Variants in ITPR2 observed in about 807,000 individuals in gnomAD.
The protein encoded by ITPR2 is inositol 1,4,5-trisphosphate-gated calcium channel ITPR2.
A neutral mutation model predicts 317.1 loss-of-function variants in ITPR2; 207 were observed. That is an observed-to-expected ratio of 0.65 (90% CI 0.58 to 0.73). The LOEUF is 0.73. Ranked by LOEUF, ITPR2 falls within the 30% of genes least tolerant of loss-of-function variation. The pLI, the probability that ITPR2 is intolerant of heterozygous loss-of-function variation, is 0.00. For synonymous variants in ITPR2, 1,156 were observed against 1,149.1 expected (o/e 1.01, Z -0.12); for missense variants, 2,613 against 3,284.0 (o/e 0.80, Z 4.99).
At chr12:26,495,629 A>G (rs1468720816) in intron 37 of ITPR2, 1 of 156,040 alleles carries the variant, frequency 6.4e-6, no homozygotes, top group Admixed American at 6.5e-5. Context: ...TTTTAAATAT[A>G]ACTTTATTCT....
rs528041997 is a variant in ITPR2 at position 26,346,150 on chromosome 12, A to G, written c.7858-5822T>C. ...AAAGATTCTAAAATGCAAAACTCCA[A>G]GATGAACCATCATGTCCCTGAGAAG... On this transcript the variant is annotated intron_variant, in intron 55 of 56. Transcript: ENST00000381340. 3.2e-4 allele frequency among the ~76,000 whole-genome samples: 48 copies of G among 152,358 alleles called. No individual in the cohort carries two copies. The South Asian group carries it at 5.6e-3, about 18-fold the overall frequency.
At chr12:26,621,090 T>C (rs551234355) in intron 26 of ITPR2, 33 bp downstream of exon 26, 2 of 1,570,684 alleles carry the variant, frequency 1.3e-6, no homozygotes, top group African/African-American at 1.4e-5. Context: ...AAGACATCAT[T>C]GGGAGTATTT....
At position 26,393,722 on chromosome 12, in the gene ITPR2, C is replaced by G. The variant is rs77365594; in HGVS notation, c.7696+5154G>C. On this transcript the variant is annotated intron_variant, in intron 54 of 56. Coordinates refer to ENST00000381340, the MANE Select transcript of ITPR2 (RefSeq NM_002223.4). Reference sequence around the variant, plus strand: ...GAATAAACATGAAGCTTCTAGAAAACAGACAATATTGATCTTACATCTCTT... The same window carrying G: ...GAATAAACATGAAGCTTCTAGAAAAGAGACAATATTGATCTTACATCTCTT... Among the ~76,000 whole-genome samples the G allele has an allele frequency of 2.5e-3, 379 of 152,264 alleles. 3 individuals carry two copies. Among genetic ancestry groups the G allele is most frequent in the African/African-American group, 8.8e-3 (365 of 41,552 alleles).
intron 45 of ITPR2, among the ~76,000 whole-genome samples, chr12:26,460,219 C>T (rs1941983423): frequency 6.6e-6 from 1 of 152,202 alleles, no homozygotes; most frequent in Non-Finnish European, 1.5e-5. Context: ...GGTCCTCTGT[C>T]TTATGGCACC....
chr12:26,555,838 T>A (rs530840186), intron 36 of ITPR2, among the ~76,000 whole-genome samples: 1 of 152,220 alleles, frequency 6.6e-6, no homozygotes, highest in Non-Finnish European at 1.5e-5. Flanking sequence ...TAAACACATA[T>A]GACAATAGTA....
intron 32 of ITPR2, 37 bp downstream of exon 32, chr12:26,595,428 T>C (rs760848520): frequency 3.2e-6 from 5 of 1,580,842 alleles, no homozygotes; most frequent in East Asian, 2.3e-5. Flanking sequence ...AGTCGAAATA[T>C]CTATTGACAC....
chr12:26,495,869 T>C (rs1033262203), intron 37 of ITPR2, among the ~76,000 whole-genome samples: 9 of 152,104 alleles, frequency 5.9e-5, no homozygotes, highest in African/African-American at 2.2e-4. Context: ...CTCAAAAAAT[T>C]AACCTTGATA....
chr12:26,384,627 T>A (rs993169418), intron 55 of ITPR2, among the ~76,000 whole-genome samples: 8 of 152,194 alleles, frequency 5.3e-5, no homozygotes, highest in African/African-American at 1.9e-4. Context: ...AGGCCAGAGA[T>A]GGGTCAACAT....
At position 26,507,827 on chromosome 12, in the gene ITPR2, G is replaced by A. The variant is rs148007328; in HGVS notation, c.5074-12567C>T. Among the ~76,000 whole-genome samples, 76 of 148,976 alleles carry A rather than the reference G, an allele frequency of 5.1e-4. 1 individual carries two copies. In the East Asian group the frequency reaches 0.011, roughly 21 times the overall value. On this transcript the variant is annotated intron_variant, in intron 37 of 56. Coordinates refer to ENST00000381340, the MANE Select transcript of ITPR2 (RefSeq NM_002223.4). Reference sequence around the variant, plus strand: ...ATACTCCTAAGGTGTGGAAGAATGAGTCAATGAATATCTCTCTACTCTTCT... The same window carrying A: ...ATACTCCTAAGGTGTGGAAGAATGAATCAATGAATATCTCTCTACTCTTCT...
chr12:26,809,714 G>T (rs369680735), intron 1 of ITPR2, among the ~76,000 whole-genome samples: 12 of 152,184 alleles, frequency 7.9e-5, no homozygotes, highest in African/African-American at 2.9e-4. Context: ...CTGTTCTTAC[G>T]GCTTGATGGC....
chr12:26,599,943 A>T (rs772546748), intron 29 of ITPR2, 44 bp downstream of exon 29: 1 of 1,468,188 alleles, frequency 6.8e-7, no homozygotes, highest in Non-Finnish European at 9.4e-7. Context: ...GACAAATTTG[A>T]TGCACACTTT....
chr12:26,504,285 C>T (rs949093937), intron 37 of ITPR2, among the ~76,000 whole-genome samples: 1 of 152,212 alleles, frequency 6.6e-6, no homozygotes, highest in African/African-American at 2.4e-5. Flanking sequence ...CTTCCTAACA[C>T]ATATCCATAT....
intron 34 of ITPR2, among the ~76,000 whole-genome samples, chr12:26,569,967 A>T (rs1945115988): frequency 2.0e-5 from 3 of 152,212 alleles, no homozygotes; most frequent in Admixed American, 1.3e-4. Flanking sequence ...AAACAACATA[A>T]ATATCCAATA....
intron 45 of ITPR2, among the ~76,000 whole-genome samples, chr12:26,459,645 G>A (rs1941966704): frequency 6.6e-6 from 1 of 152,042 alleles, no homozygotes; most frequent in East Asian, 1.9e-4. Context: ...ATTTTCTGTG[G>A]GTTTCAATTC....
At chr12:26,626,782 T>C (rs1189126959) in intron 23 of ITPR2, among the ~76,000 whole-genome samples, 1 of 152,230 alleles carries the variant, frequency 6.6e-6, no homozygotes, top group Non-Finnish European at 1.5e-5. Flanking sequence ...CATTCCTAAC[T>C]GATTGATGGA....
At chr12:26,724,793 T>C in intron 3 of ITPR2, 51 bp from the exon 4 acceptor site, 2 of 1,343,956 alleles carry the variant, frequency 1.5e-6, no homozygotes, top group Non-Finnish European at 2.1e-6. Context: ...AAACAGAGTG[T>C]AATAACTGAC....
At chr12:26,596,207 T>C (rs757202976) in intron 31 of ITPR2, among the ~76,000 whole-genome samples, 3 of 152,232 alleles carry the variant, frequency 2.0e-5, no homozygotes, top group Non-Finnish European at 4.4e-5. Context: ...TCAATGGTTA[T>C]GAATAATTTT....
At chr12:26,647,558 T>C (rs1035485424) in intron 21 of ITPR2, among the ~76,000 whole-genome samples, 2 of 152,254 alleles carry the variant, frequency 1.3e-5, no homozygotes, top group African/African-American at 2.4e-5. Flanking sequence ...CATCAGCTTG[T>C]ATGTGCATTT....
At chr12:26,725,786 A>T (rs373536875) in intron 2 of ITPR2, 21 bp from the exon 3 acceptor site, 3 of 1,469,688 alleles carry the variant, frequency 2.0e-6, no homozygotes, top group Non-Finnish European at 2.9e-6. Context: ...CCAACATACA[A>T]AAACACTGTA....
Sources: gnomAD v4.1 joint callset for allele counts (sites outside exome capture counted in the v4.1 genomes callset) on GRCh38, gnomAD v4.1.1 for gene constraint, MANE v1.5 for transcripts, NCBI Gene and HGNC (gene_info 2026-07-23, HGNC 2026-07-21) for gene names.